PRDM16: variants seen among roughly 807,000 people sequenced by gnomAD.
PRDM16 encodes the protein histone-lysine N-methyltransferase PRDM16.
A neutral mutation model predicts 110.6 loss-of-function variants in PRDM16; 23 were observed. The observed-to-expected ratio is 0.21, with a 90% CI of 0.15 to 0.29. The LOEUF is 0.29. Among genes scored for constraint, PRDM16 ranks in the 10% least tolerant of loss-of-function variants. The probability of loss-of-function intolerance (pLI) is 1.00; values close to 1 mark genes in which losing one functional copy is unlikely to be tolerated. For synonymous variants in PRDM16, 799 were observed against 781.8 expected (o/e 1.02, Z -0.37); for missense variants, 1,615 against 1,794.3 (o/e 0.90, Z 1.81).
chr1:3,278,075 C>G (rs12023848), intron 3 of PRDM16, among the ~76,000 whole-genome samples: 1 of 152,244 alleles, frequency 6.6e-6, no homozygotes, highest in Non-Finnish European at 1.5e-5. Context: ...ATTCCTAATT[C>G]AAGTCTGAGA....
intron 1 of PRDM16, among the ~76,000 whole-genome samples, chr1:3,180,754 G>GCGTT (rs992196458): frequency 6.6e-6 from 1 of 152,198 alleles, no homozygotes; most frequent in Admixed American, 6.5e-5. Context: ...AAGAGAAACA[G>GCGTT]CGTTTCCCAA....
chr1:3,253,192 A>T (rs866442261), intron 3 of PRDM16, among the ~76,000 whole-genome samples: 48 of 151,658 alleles, frequency 3.2e-4, no homozygotes, highest in African/African-American at 1.1e-3. Flanking sequence ...TCTTTTTTTT[A>T]ATTTAATTTA....
chr1:3,119,810 C>T (rs1329312726), intron 1 of PRDM16, among the ~76,000 whole-genome samples: 1 of 152,226 alleles, frequency 6.6e-6, no homozygotes, highest in Non-Finnish European at 1.5e-5. Flanking sequence ...GAAAGGCCTG[C>T]CCCTGTCACG....
chr1:3,383,897 C>CAGGACACACCTGCAGA (rs1643150717), intron 3 of PRDM16, among the ~76,000 whole-genome samples: 1 of 150,404 alleles, frequency 6.6e-6, no homozygotes, highest in African/African-American at 2.5e-5. Flanking sequence ...ACCTGCCCAC[C>CAGGACACACCTGCAGA]AGGACACACC....
At chr1:3,380,174 C>T (rs574932648) in intron 3 of PRDM16, among the ~76,000 whole-genome samples, 3 of 151,246 alleles carry the variant, frequency 2.0e-5, no homozygotes, top group South Asian at 4.2e-4. Context: ...CCCTTCTCAG[C>T]GCACTCATTG....
At chr1:3,347,501 T>C (rs575418059) in intron 3 of PRDM16, among the ~76,000 whole-genome samples, 1 of 152,248 alleles carries the variant, frequency 6.6e-6, no homozygotes, top group East Asian at 1.9e-4. Flanking sequence ...AGGCAGGCTC[T>C]GTGCACACTG....
At chr1:3,330,094 G>A (rs976233302) in intron 3 of PRDM16, among the ~76,000 whole-genome samples, 1 of 152,262 alleles carries the variant, frequency 6.6e-6, no homozygotes, top group African/African-American at 2.4e-5. Flanking sequence ...GCCAAGAGGG[G>A]TTAAGGATGC....
chr1:3,425,520 G>A lies in PRDM16; in HGVS notation c.2940-61G>A. The A allele has an allele frequency of 6.4e-7, 1 of 1,562,206 alleles. No individual in the cohort carries two copies. The highest frequency in any genetic ancestry group is 8.7e-7 in the Non-Finnish European group (1 of 1,147,682). ...GCGGGCTCCCTTCCCCCCACCCTCT[G>A]TGGCCCGGCCTGCCATGCAGAGCCG... is the stretch of plus-strand genomic sequence containing the variant. On this transcript the variant is annotated intron_variant, in intron 12 of 16. Transcript: ENST00000270722. The surrounding 1 kb of genome is among the most constrained non-coding windows in gnomAD (Gnocchi z 6.9).
chr1:3,303,438 G>A (rs967903176), intron 3 of PRDM16, among the ~76,000 whole-genome samples: 5 of 152,160 alleles, frequency 3.3e-5, no homozygotes, highest in Non-Finnish European at 2.9e-5. Flanking sequence ...TCCATTGCAT[G>A]AAACCCACAT....
At chr1:3,112,857 C>G (rs1050734821) in intron 1 of PRDM16, among the ~76,000 whole-genome samples, 1 of 152,252 alleles carries the variant, frequency 6.6e-6, no homozygotes, top group East Asian at 1.9e-4. Flanking sequence ...CGCCTGGGCT[C>G]CAGCCCCATC....
rs543237314 is a variant in PRDM16 at position 3,256,392 on chromosome 1, T to C, written c.438+12255T>C. Among the ~76,000 whole-genome samples, 24 of 152,286 alleles carry C rather than the reference T, an allele frequency of 1.6e-4. No individual in the cohort carries two copies. The East Asian group carries it at 4.4e-3, about 28-fold the overall frequency. The stretch of plus-strand genomic sequence containing the variant: ...CGTAACCATGACCCCTCAGGTCAGC[T>C]GTGGACTTCGTTAATAATAACGGGC... On this transcript the variant is annotated intron_variant, in intron 3 of 16. Transcript: ENST00000270722.
At chr1:3,112,449 C>T (rs571174045) in intron 1 of PRDM16, among the ~76,000 whole-genome samples, 5 of 152,358 alleles carry the variant, frequency 3.3e-5, no homozygotes, top group Admixed American at 1.3e-4. Context: ...AGAGGAGCCC[C>T]GCGCTTGCAC....
At chr1:3,424,603 A>T (rs1638539062) in intron 12 of PRDM16, among the ~76,000 whole-genome samples, 1 of 152,244 alleles carries the variant, frequency 6.6e-6, no homozygotes, top group Non-Finnish European at 1.5e-5. Flanking sequence ...CGAGCCCGGG[A>T]GCTGGCAGTG....
intron 3 of PRDM16, among the ~76,000 whole-genome samples, chr1:3,269,067 CCAGGTGGGGAACAGAAGA>C (rs139241632): frequency 0.029 from 4,406 of 152,282 alleles, 201 homozygotes; most frequent in African/African-American, 0.096. Flanking sequence ...TTTCTTGCTC[CCAGGTGGGGAACAGAAGA>C]CAGGTGGGTG....
intron 3 of PRDM16, among the ~76,000 whole-genome samples, chr1:3,275,360 G>C (rs1640559727): frequency 6.6e-6 from 1 of 152,212 alleles, no homozygotes; most frequent in Non-Finnish European, 1.5e-5. Context: ...ATAGACACAG[G>C]CCAACCCAGC....
chr1:3,346,462 G>C (rs1354141065), intron 3 of PRDM16, among the ~76,000 whole-genome samples: 1 of 152,154 alleles, frequency 6.6e-6, no homozygotes, highest in African/African-American at 2.4e-5. Context: ...GCTGTCCCAC[G>C]GTTCCTGTTC....
At chr1:3,356,532 C>T (rs746047432) in intron 3 of PRDM16, among the ~76,000 whole-genome samples, 4 of 152,240 alleles carry the variant, frequency 2.6e-5, no homozygotes, top group Non-Finnish European at 5.9e-5. Flanking sequence ...TCTGCTTTTC[C>T]TTGCCTGGGT....
At chr1:3,237,870 G>GA (rs1639574114) in intron 2 of PRDM16, 1 of 152,342 alleles carries the variant, frequency 6.6e-6, no homozygotes, top group South Asian at 2.1e-4. Flanking sequence ...CAGGTCGAGA[G>GA]AAAATCACTG....
In PRDM16 at chr1:3,403,100, C is replaced by A. The variant is rs530712477; in HGVS notation, c.884+102C>A. 200 of 996,670 alleles carry A rather than the reference C, an allele frequency of 2.0e-4. No individual in the cohort carries two copies. The African/African-American group carries it at 2.8e-3, about 14-fold the overall frequency. 61.7% of individuals were successfully genotyped at this position (996,670 alleles called of 1,614,324 possible). On this transcript the variant is annotated intron_variant, in intron 6 of 16. Transcript: ENST00000270722. ...TCTGAGTCTTCCTCCCCTCCCTTCCCCCGCCTCGCCCCCCAACAGGTGTAG... is the reference window on the plus strand; with the variant it reads ...TCTGAGTCTTCCTCCCCTCCCTTCCACCGCCTCGCCCCCCAACAGGTGTAG...
Sources: allele counts gnomAD v4.1 joint callset (sites outside exome capture counted in the v4.1 genomes callset), GRCh38; gene constraint gnomAD v4.1.1; non-coding constraint Gnocchi (gnomAD v3.1); transcripts MANE v1.5; gene names NCBI Gene and HGNC (gene_info 2026-07-23, HGNC 2026-07-21).